The following FBLIM1 variants were observed in gnomAD, a reference collection of about 807,000 sequenced individuals.
FBLIM1 encodes filamin binding LIM protein 1.
A neutral mutation model predicts 37.4 loss-of-function variants in FBLIM1; 29 were observed. The ratio of observed to expected loss-of-function variants is 0.77; its 90% confidence interval spans 0.58 to 1.06. The LOEUF is 1.06. Among genes scored for constraint, FBLIM1 ranks in the 50% least tolerant of loss-of-function variants. The pLI, the probability that FBLIM1 is intolerant of heterozygous loss-of-function variation, is 0.00. For missense variants in FBLIM1, 449 were observed against 505.6 expected, an observed-to-expected ratio of 0.89 and a Z score of 1.07; for synonymous variants, 193 against 199.0, an observed-to-expected ratio of 0.97 and a Z score of 0.25.
At chr1:15,758,060 G>T (rs1469339694), upstream of FBLIM1, 1 of 152,210 alleles carries the variant, frequency 6.6e-6, no homozygotes, top group Non-Finnish European at 1.5e-5. This position sits in a 1 kb window ranked among gnomAD's most constrained non-coding sequence, Gnocchi z 6.2. Flanking sequence ...TGCTCCACTG[G>T]GGGTCTCCGA....
At chr1:15,767,687 G>A (rs888523051) in intron 4 of FBLIM1, 124 bp downstream of exon 4, 48 of 498,620 alleles carry the variant, frequency 9.6e-5, no homozygotes, top group African/African-American at 8.7e-4. Flanking sequence ...TCTTCTGCTC[G>A]GGGGCAGTCC....
At chr1:15,770,229 G>A (rs2069136127) in intron 5 of FBLIM1, among the ~76,000 whole-genome samples, 180 bp from the exon 6 acceptor site, 1 of 152,164 alleles carries the variant, frequency 6.6e-6, no homozygotes, top group South Asian at 2.1e-4. Context: ...TTACAGGTGT[G>A]AGCCACCATG....
chr1:15,759,400 C>T (rs1354664977), intron 1 of FBLIM1, among the ~76,000 whole-genome samples: 4 of 152,192 alleles, frequency 2.6e-5, no homozygotes, highest in Non-Finnish European at 4.4e-5. Context: ...GGGCGATACC[C>T]AGGTGTGTGC....
chr1:15,778,013 T>C (rs1026346401), intron 8 of FBLIM1, among the ~76,000 whole-genome samples: 1 of 152,050 alleles, frequency 6.6e-6, no homozygotes, highest in Non-Finnish European at 1.5e-5. Context: ...TTAGAAACCC[T>C]AGGGGAAAGA....
chr1:15,759,281 G>A (rs2148430532), intron 1 of FBLIM1, among the ~76,000 whole-genome samples: 1 of 152,322 alleles, frequency 6.6e-6, no homozygotes, highest in Middle Eastern at 3.4e-3. Context: ...GCCCGGGGGC[G>A]CTCCAGGCCC....
Position 15,768,635 on chromosome 1 carries a change from G to C in FBLIM1, c.541+5G>C. 6.2e-7 allele frequency: 1 copy of C among 1,607,000 alleles called. No individual in the cohort carries two copies. The highest frequency in any genetic ancestry group is 8.5e-7 in the Non-Finnish European group (1 of 1,177,112). On this transcript the variant is annotated splice_donor_5th_base_variant and intron_variant, in intron 5 of 8. Transcript: ENST00000375766. ...TTGAGAAAGGGGCATCCACAGGTAG[G>C]TGCACAGGGCTGAGAGGATACTGGG...
chr1:15,761,152 G>A (rs1160626320), intron 1 of FBLIM1, among the ~76,000 whole-genome samples: 1 of 152,168 alleles, frequency 6.6e-6, no homozygotes, highest in Non-Finnish European at 1.5e-5. Context: ...GGGCCATCCC[G>A]AAGCCCCACA....
chr1:15,773,074 C>T (rs2069297796), intron 6 of FBLIM1, among the ~76,000 whole-genome samples: 1 of 152,142 alleles, frequency 6.6e-6, no homozygotes, highest in African/African-American at 2.4e-5. Flanking sequence ...GCATAAGCCA[C>T]CTTGCCTGGC....
rs1344112319 is a variant in FBLIM1, at chr1:15,777,185, C to G, written c.906C>G (p.Val302=). 3 of 1,606,846 alleles carry G rather than the reference C, an allele frequency of 1.9e-6. No homozygotes were observed. Among genetic ancestry groups the G allele is most frequent in the African/African-American group, 2.7e-5 (2 of 74,824 alleles). The change falls in exon 8 of 9, where the codon GTC becomes GTG. Residue 302 remains valine, a synonymous_variant. Transcript: ENST00000375766. Reference sequence around the variant, plus strand: ...TTGCTTCTAGGAAATTCGCCCCCGTCTGCAGCATCTGTGAAAATCCCATCA... The same window carrying G: ...TTGCTTCTAGGAAATTCGCCCCCGTGTGCAGCATCTGTGAAAATCCCATCA... ...LDDFYRKFAP[V]CSICENPIIP... is the part of the protein sequence containing the mutation.
chr1:15,774,579 G>A lies in FBLIM1; in HGVS notation c.712-39G>A, dbSNP rs2069396932. On this transcript the variant is annotated intron_variant, in intron 6 of 8. Transcript: ENST00000375766. The stretch of plus-strand genomic sequence containing the variant: ...AGACGACCCTCGTGGGTTGGGGTGG[G>A]TGTGTCGTGGATGGTTCTGGCAGTG... 1.9e-6 allele frequency: 3 copies of A among 1,574,508 alleles called. No homozygotes were observed. In the South Asian group the frequency reaches 3.5e-5, roughly 18 times the overall value.
At chr1:15,776,866 CAA>C (rs36071270) in intron 7 of FBLIM1, 948 of 68,624 alleles carry the variant, frequency 0.014, no homozygotes, top group Middle Eastern at 0.03. Context: ...AACTCCATCT[CAA>C]AAAAAAAAAA....
intron 1 of FBLIM1, among the ~76,000 whole-genome samples, chr1:15,763,842 G>T (rs2068793923): frequency 6.6e-6 from 1 of 152,012 alleles, no homozygotes; most frequent in African/African-American, 2.4e-5. Flanking sequence ...GTTTCACCAT[G>T]TTGGCAGGGT....
At chr1:15,762,797 G>C (rs1391161002) in intron 1 of FBLIM1, among the ~76,000 whole-genome samples, 1 of 152,214 alleles carries the variant, frequency 6.6e-6, no homozygotes, top group Non-Finnish European at 1.5e-5. Flanking sequence ...TCCTGCCCTG[G>C]GGCTATCATC....
intron 1 of FBLIM1, among the ~76,000 whole-genome samples, chr1:15,762,470 C>T (rs2068720378): frequency 6.6e-6 from 1 of 151,934 alleles, no homozygotes; most frequent in Admixed American, 6.6e-5. Context: ...ACCATCTTGG[C>T]CAGGCTGGTC....
chr1:15,764,831 GTGCTGGACTGAGT>G (rs1246820724), intron 2 of FBLIM1, 120 bp from the exon 3 acceptor site: 1 of 1,110,406 alleles, frequency 9.0e-7, no homozygotes, highest in Non-Finnish European at 1.3e-6. Context: ...GCTGGGCTGG[GTGCTGGACTGAGT>G]TGTTGAGATG....
At chr1:15,771,705 C>T (rs1279753686) in intron 6 of FBLIM1, among the ~76,000 whole-genome samples, 1 of 151,996 alleles carries the variant, frequency 6.6e-6, no homozygotes, top group African/African-American at 2.4e-5. Flanking sequence ...AGGATAATCT[C>T]CCCCATCTTA....
chr1:15,768,408 G>C, intron 4 of FBLIM1, 120 bp from the exon 5 acceptor site: 1 of 594,678 alleles, frequency 1.7e-6, no homozygotes, highest in African/African-American at 1.9e-5. Flanking sequence ...GCTTCCCTGG[G>C]CCTTGGTTTC....
chr1:15,773,151 C>T (rs530846339), intron 6 of FBLIM1, among the ~76,000 whole-genome samples: 19 of 152,124 alleles, frequency 1.2e-4, no homozygotes, highest in Admixed American at 3.9e-4. Flanking sequence ...CATGCCAGGC[C>T]GAGGCAGGTG....
At position 15,760,943 on chromosome 1, in the gene FBLIM1, G is replaced by C. The variant is rs77874271; in HGVS notation, c.-211+2095G>C. On this transcript the variant is annotated intron_variant, in intron 1 of 8. Transcript: ENST00000375766. Reference sequence around the variant, plus strand: ...GAGGGAAGCCGGGGCTCCCTCTCCCGATGGGATTGACAGGGCTTTGAAACT... The same window carrying C: ...GAGGGAAGCCGGGGCTCCCTCTCCCCATGGGATTGACAGGGCTTTGAAACT... Among the ~76,000 whole-genome samples, 806 of 152,250 alleles carry C rather than the reference G, an allele frequency of 5.3e-3. 9 individuals are homozygous for C. The highest frequency in any genetic ancestry group is 0.019 in the African/African-American group (773 of 41,550).
Sources: allele counts gnomAD v4.1 joint callset (sites outside exome capture counted in the v4.1 genomes callset), GRCh38; gene constraint gnomAD v4.1.1; non-coding constraint Gnocchi (gnomAD v3.1); transcripts MANE v1.5; gene names NCBI Gene and HGNC (gene_info 2026-07-23, HGNC 2026-07-21).